The following COP1 variants were observed in gnomAD, a reference collection of about 807,000 sequenced individuals.
The protein encoded by COP1 is E3 ubiquitin-protein ligase COP1.
Under a neutral mutation model 101.3 loss-of-function variants are expected in COP1, and 24 were observed. That is an observed-to-expected ratio of 0.24 (90% CI 0.17 to 0.33). The LOEUF is 0.33. Ranked by LOEUF, COP1 falls within the 10% of genes least tolerant of loss-of-function variation. The pLI is 1.00. For synonymous variants in COP1, 347 were observed against 341.9 expected, an observed-to-expected ratio of 1.01 and a Z score of -0.17; for missense variants, 663 against 906.2, an observed-to-expected ratio of 0.73 and a Z score of 3.45.
chr1:176,198,126 A>G lies in COP1; in HGVS notation c.407+8446T>C, dbSNP rs141069591. ...ACATTAAAATCCTACATCCTTTTTT[A>G]TAGAAATTGGCACGCTAATCCTAAG... On this transcript the variant is annotated intron_variant, in intron 1 of 19. Coordinates refer to ENST00000367669, the MANE Select transcript of COP1 (RefSeq NM_022457.7). Among the ~76,000 whole-genome samples the G allele has an allele frequency of 2.6e-3, 399 of 152,282 alleles. 3 individuals carry two copies. Among genetic ancestry groups the G allele is most frequent in the African/African-American group, 9.2e-3 (381 of 41,576 alleles).
At chr1:176,197,640 C>A (rs2102228251) in intron 1 of COP1, among the ~76,000 whole-genome samples, 1 of 152,086 alleles carries the variant, frequency 6.6e-6, no homozygotes, top group Admixed American at 6.5e-5. Context: ...TAATAAAGGT[C>A]CAAAAAATCC....
chr1:176,005,719 GT>G lies in COP1; in HGVS notation c.1730-16241del, dbSNP rs1662996418. On this transcript the variant is annotated intron_variant, in intron 15 of 19. Coordinates refer to ENST00000367669, the MANE Select transcript of COP1 (RefSeq NM_022457.7). ...TGATTGCACTGTGGTATGAGAGATA[GT>G]TTGTTATAATCTCTGTTCTTTTACA... Among the ~76,000 whole-genome samples, 5 of 146,392 alleles carry G rather than the reference GT, an allele frequency of 3.4e-5. No homozygotes were observed. The South Asian group carries it at 1.1e-3, about 34-fold the overall frequency.
At chr1:176,017,508 C>T (rs1488671758) in intron 15 of COP1, 1 of 152,014 alleles carries the variant, frequency 6.6e-6, no homozygotes, top group Non-Finnish European at 1.5e-5. Flanking sequence ...TTATCTCATA[C>T]AGATATCATT....
chr1:176,190,243 A>G (rs1387943253), intron 1 of COP1, among the ~76,000 whole-genome samples: 1 of 152,016 alleles, frequency 6.6e-6, no homozygotes, highest in Admixed American at 6.6e-5. Context: ...AAAATTTAAA[A>G]TCCAAAATGC....
intron 9 of COP1, among the ~76,000 whole-genome samples, chr1:176,087,075 G>A (rs1337615345): frequency 3.3e-5 from 5 of 152,160 alleles, no homozygotes; most frequent in African/African-American, 4.8e-5. Flanking sequence ...GCTGAAACTG[G>A]ATCCCTTCCT....
rs552928526 is a variant in COP1 at position 176,096,462 on chromosome 1, C to T, written c.1027-10572G>A. Among the ~76,000 whole-genome samples, 16 of 152,264 alleles carry T rather than the reference C, an allele frequency of 1.1e-4. 1 individual carries two copies. The South Asian group carries it at 1.5e-3, about 14-fold the overall frequency. Reference sequence around the variant, plus strand: ...TGCAGTGTCCAACGACCACACAGGGCGGGAATGAGCCACAGCCACTGTCCA... The same window carrying T: ...TGCAGTGTCCAACGACCACACAGGGTGGGAATGAGCCACAGCCACTGTCCA... On this transcript the variant is annotated intron_variant, in intron 9 of 19. Transcript: ENST00000367669.
At chr1:175,968,809 C>T (rs538670364) in intron 18 of COP1, among the ~76,000 whole-genome samples, 7 of 152,330 alleles carry the variant, frequency 4.6e-5, no homozygotes, top group African/African-American at 1.2e-4. Flanking sequence ...AAAGTCTTCT[C>T]GCCAACTGGC....
intron 15 of COP1, among the ~76,000 whole-genome samples, chr1:176,002,044 A>C (rs1294110926): frequency 6.6e-6 from 1 of 152,064 alleles, no homozygotes; most frequent in Non-Finnish European, 1.5e-5. Context: ...CCCGCCTTTC[A>C]AGAGTTTCAA....
rs184390902 is a variant in COP1, at chr1:175,952,201, C to T, written c.2134-4962G>A. Among the ~76,000 whole-genome samples the T allele has an allele frequency of 8.9e-3, 1,347 of 152,172 alleles. 21 individuals carry two copies. The highest frequency in any genetic ancestry group is 0.03 in the African/African-American group (1,256 of 41,510). ...CTTTGGGAGGCCATGGCAGGCGGATCGCCTGAGGTCAGGAGTTTGAGAGCA... is the reference window on the plus strand; with the variant it reads ...CTTTGGGAGGCCATGGCAGGCGGATTGCCTGAGGTCAGGAGTTTGAGAGCA... On this transcript the variant is annotated intron_variant, in intron 18 of 19. Coordinates refer to ENST00000367669, the MANE Select transcript of COP1 (RefSeq NM_022457.7).
chr1:176,120,836 T>C (rs1686997756), intron 8 of COP1, among the ~76,000 whole-genome samples: 1 of 152,186 alleles, frequency 6.6e-6, no homozygotes, highest in African/African-American at 2.4e-5. Flanking sequence ...ACTAGCCTTT[T>C]ATATTGAAAA....
At chr1:176,195,510 A>G (rs1191342046) in intron 1 of COP1, among the ~76,000 whole-genome samples, 2 of 152,222 alleles carry the variant, frequency 1.3e-5, no homozygotes, top group African/African-American at 2.4e-5. Flanking sequence ...TACACATGGC[A>G]GAGTACTCAT....
At chr1:176,125,061 T>C (rs116527210) in intron 8 of COP1, among the ~76,000 whole-genome samples, 285 of 152,110 alleles carry the variant, frequency 1.9e-3, no homozygotes, top group African/African-American at 6.7e-3. Context: ...ATGTTTGTCT[T>C]GAGAAATGTC....
chr1:176,071,983 G>A lies in COP1; in HGVS notation c.1277+9169C>T, dbSNP rs552386032. Among the ~76,000 whole-genome samples, 68 of 152,326 alleles carry A rather than the reference G, an allele frequency of 4.5e-4. 1 individual carries two copies. Among genetic ancestry groups the A allele is most frequent in the African/African-American group, 1.6e-3 (67 of 41,572 alleles). ...AAGAAAATTTTAGGGTAGAAGTTAT[G>A]AGGGTGGGAATACATGTAGTGACTT... On this transcript the variant is annotated intron_variant, in intron 11 of 19. Coordinates refer to ENST00000367669, the MANE Select transcript of COP1 (RefSeq NM_022457.7).
In COP1 at chr1:176,091,011, A is replaced by C. The variant is rs576285023; in HGVS notation, c.1027-5121T>G. On this transcript the variant is annotated intron_variant, in intron 9 of 19. Coordinates refer to ENST00000367669, the MANE Select transcript of COP1 (RefSeq NM_022457.7). ...CTTAAAACCAAAAGAAAGATAATTT[A>C]TTTAGGAACAACAATTAAAAAGGCA... 2.0e-5 allele frequency among the ~76,000 whole-genome samples: 3 copies of C among 152,180 alleles called. No individual in the cohort carries two copies. The South Asian group carries it at 6.2e-4, about 31-fold the overall frequency.
intron 18 of COP1, among the ~76,000 whole-genome samples, chr1:175,969,097 T>C (rs911906583): frequency 7.2e-5 from 11 of 152,228 alleles, no homozygotes; most frequent in African/African-American, 2.4e-4. Context: ...TAGAATTCAG[T>C]ACTATTTGGG....
intron 2 of COP1, among the ~76,000 whole-genome samples, chr1:176,179,195 C>T (rs2101968621): frequency 6.6e-6 from 1 of 150,984 alleles, no homozygotes; most frequent in African/African-American, 2.4e-5. Context: ...TAGGCCGAGG[C>T]AGGAAAATTG....
chr1:176,006,235 T>C (rs905177634), intron 15 of COP1, among the ~76,000 whole-genome samples: 3 of 152,142 alleles, frequency 2.0e-5, no homozygotes, highest in South Asian at 2.1e-4. Context: ...TTTGAGCCTA[T>C]GTGTGTCTCT....
intron 14 of COP1, among the ~76,000 whole-genome samples, chr1:176,037,405 T>A (rs1382249729): frequency 7.2e-6 from 1 of 139,710 alleles, no homozygotes. Context: ...AGACTCCGTC[T>A]CAAAAAAAAA....
At chr1:176,038,083 G>T (rs1420689992) in intron 14 of COP1, among the ~76,000 whole-genome samples, 1 of 152,170 alleles carries the variant, frequency 6.6e-6, no homozygotes, top group Non-Finnish European at 1.5e-5. Context: ...AGTGACTTTA[G>T]CAAGTACATT....
Sources: allele counts gnomAD v4.1 joint callset (sites outside exome capture counted in the v4.1 genomes callset), GRCh38; gene constraint gnomAD v4.1.1; transcripts MANE v1.5; gene names NCBI Gene and HGNC (gene_info 2026-07-23, HGNC 2026-07-21).